TRAPPC9: variants seen among roughly 807,000 people sequenced by gnomAD.
TRAPPC9 encodes IKK2 binding protein.
In TRAPPC9, 83 loss-of-function variants were observed where a neutral mutation model predicts 124.0. That is an observed-to-expected ratio of 0.67 (90% CI 0.56 to 0.80). The LOEUF (loss-of-function observed/expected upper bound fraction) is 0.80. Ranked by LOEUF, TRAPPC9 falls within the 30% of genes least tolerant of loss-of-function variation. TRAPPC9 has a pLI of 0.00. For synonymous variants in TRAPPC9, 638 were observed against 617.5 expected (o/e 1.03, Z -0.49); for missense variants, 1,302 against 1,508.3 (o/e 0.86, Z 2.27).
intron 21 of TRAPPC9, among the ~76,000 whole-genome samples, chr8:139,864,316 A>G (rs1017926814): frequency 6.6e-6 from 1 of 152,198 alleles, no homozygotes; most frequent in Non-Finnish European, 1.5e-5. Flanking sequence ...AGGGTTTGGA[A>G]AGGCTGCAAA....
At chr8:140,444,035 C>CA (rs35121401) in intron 2 of TRAPPC9, among the ~76,000 whole-genome samples, 620 of 40,834 alleles carry the variant, frequency 0.015, 21 homozygotes, top group African/African-American at 0.038. Context: ...GACTCCATCT[C>CA]AAAAAAAAAA....
intron 16 of TRAPPC9, 60 bp from the exon 17 acceptor site, chr8:140,221,643 T>A: frequency 6.4e-7 from 1 of 1,560,390 alleles, no homozygotes; most frequent in South Asian, 1.2e-5. Flanking sequence ...GGTTTGTTGT[T>A]GTTGTTGTTG....
intron 17 of TRAPPC9, among the ~76,000 whole-genome samples, chr8:140,193,588 T>C (rs79345806): frequency 2.8e-3 from 387 of 138,670 alleles, no homozygotes; most frequent in African/African-American, 0.01. Flanking sequence ...TCCCACAAAG[T>C]TCCATAAGGG....
chr8:140,155,808 G>A (rs969032612), intron 17 of TRAPPC9, among the ~76,000 whole-genome samples: 1 of 152,146 alleles, frequency 6.6e-6, no homozygotes, highest in South Asian at 2.1e-4. Flanking sequence ...CATGGGAAAG[G>A]GGTTATGTTC....
At chr8:140,127,760 T>C (rs1242576509) in intron 17 of TRAPPC9, among the ~76,000 whole-genome samples, 1 of 152,244 alleles carries the variant, frequency 6.6e-6, no homozygotes, top group South Asian at 2.1e-4. Context: ...TCCAAAAGCA[T>C]TGCTCCTATA....
chr8:140,179,992 G>GTTTTTTTT (rs2062159657), intron 17 of TRAPPC9, among the ~76,000 whole-genome samples: 2 of 49,118 alleles, frequency 4.1e-5, no homozygotes, highest in Non-Finnish European at 8.5e-5. Context: ...GTTATATCTT[G>GTTTTTTTT]ATTTTTTTTT....
In TRAPPC9 at chr8:139,961,987, C is replaced by CCT. The variant is rs2131564212; in HGVS notation, c.2810+26737_2810+26738dup. Among the ~76,000 whole-genome samples, 6 of 123,414 alleles carry CCT rather than the reference C, an allele frequency of 4.9e-5. 3 individuals carry two copies. The South Asian group carries it at 1.7e-3, about 34-fold the overall frequency. 81.0% of individuals were successfully genotyped at this position (123,414 alleles called of 152,430 possible). A position where few individuals can be genotyped will look rare whatever the true frequency, so the allele number is the denominator to read the frequency against. ...GGACAACCAGCTGCAGAGAGGAGCTCCTCTCTCTGCTGAGAACTGCAGACA... is the reference window on the plus strand; with the variant it reads ...GGACAACCAGCTGCAGAGAGGAGCTCCTCTCTCTCTGCTGAGAACTGCAGACA... On this transcript the variant is annotated intron_variant, in intron 19 of 22. Coordinates refer to ENST00000438773, the MANE Select transcript of TRAPPC9 (RefSeq NM_001160372.4).
chr8:139,891,363 C>G (rs1039316561), intron 20 of TRAPPC9, among the ~76,000 whole-genome samples: 2 of 152,258 alleles, frequency 1.3e-5, no homozygotes, highest in Non-Finnish European at 2.9e-5. Context: ...CCAGGGACAC[C>G]TGTCCAGTGG....
intron 17 of TRAPPC9, among the ~76,000 whole-genome samples, chr8:140,122,831 G>A (rs999401580): frequency 6.6e-6 from 1 of 152,164 alleles, no homozygotes; most frequent in African/African-American, 2.4e-5. Context: ...CTCGAGAAGG[G>A]GCACCTGAGC....
chr8:140,311,113 A>G (rs2131881351), intron 10 of TRAPPC9, 135 bp downstream of exon 10: 1 of 1,053,386 alleles, frequency 9.5e-7, no homozygotes, highest in Non-Finnish European at 1.4e-6. Context: ...GCTGCTTTCA[A>G]GTTTAATGAG....
At chr8:139,773,734 CTG>C (rs1821148547) in intron 21 of TRAPPC9, among the ~76,000 whole-genome samples, 1 of 152,248 alleles carries the variant, frequency 6.6e-6, no homozygotes, top group African/African-American at 2.4e-5. Context: ...CTGTAGTCCT[CTG>C]TGTGTGCGGA....
chr8:139,785,468 C>A (rs567105677), intron 21 of TRAPPC9, among the ~76,000 whole-genome samples: 1 of 151,434 alleles, frequency 6.6e-6, no homozygotes, highest in African/African-American at 2.4e-5. Context: ...GTGGCTGAAG[C>A]GAGTGGATCG....
At chr8:139,926,612 A>AAT (rs1554674034) in intron 19 of TRAPPC9, among the ~76,000 whole-genome samples, 4 of 151,248 alleles carry the variant, frequency 2.6e-5, no homozygotes, top group Non-Finnish European at 5.9e-5. Flanking sequence ...TAAAATAAAA[A>AAT]AAAAAAAAAA....
chr8:139,737,373 C>A (rs1818246837), intron 21 of TRAPPC9, among the ~76,000 whole-genome samples: 1 of 147,956 alleles, frequency 6.8e-6, no homozygotes, highest in Admixed American at 7.0e-5. Flanking sequence ...AGGAGGTGGG[C>A]AGGGATGCCA....
At chr8:140,207,068 G>A (rs779067087) in intron 17 of TRAPPC9, among the ~76,000 whole-genome samples, 14 of 152,222 alleles carry the variant, frequency 9.2e-5, no homozygotes, top group Non-Finnish European at 1.5e-4. Flanking sequence ...GGAGAAGGCA[G>A]GCAGGAGCCG....
At chr8:140,432,426 G>A (rs915996695) in intron 4 of TRAPPC9, among the ~76,000 whole-genome samples, 21 of 152,266 alleles carry the variant, frequency 1.4e-4, no homozygotes, top group African/African-American at 4.6e-4. Context: ...AAGAAAACTC[G>A]AGCATCTGGC....
chr8:140,061,707 A>G lies in TRAPPC9; in HGVS notation c.2557-37628T>C, dbSNP rs1487398396. Among the ~76,000 whole-genome samples, 7 of 152,238 alleles carry G rather than the reference A, an allele frequency of 4.6e-5. No individual in the cohort carries two copies. In the East Asian group the frequency reaches 1.3e-3, roughly 29 times the overall value. On this transcript the variant is annotated intron_variant, in intron 17 of 22. Coordinates refer to ENST00000438773, the MANE Select transcript of TRAPPC9 (RefSeq NM_001160372.4). ...GCTCTAATCACAAAGCAACAAAAAT[A>G]TAAAACTGAACAGGCCAGAAGCCTG...
At chr8:140,062,338 TA>T (rs1220764048) in intron 17 of TRAPPC9, among the ~76,000 whole-genome samples, 1 of 152,206 alleles carries the variant, frequency 6.6e-6, no homozygotes, top group Non-Finnish European at 1.5e-5. Context: ...AGACACGGAA[TA>T]AACCCACGCT....
At chr8:140,142,964 C>T (rs1424087819) in intron 17 of TRAPPC9, among the ~76,000 whole-genome samples, 2 of 152,090 alleles carry the variant, frequency 1.3e-5, no homozygotes, top group Non-Finnish European at 2.9e-5. Context: ...ACATTAAAAC[C>T]CTCTGGAAAG....
Sources: gnomAD v4.1 joint callset for allele counts (sites outside exome capture counted in the v4.1 genomes callset) on GRCh38, gnomAD v4.1.1 for gene constraint, MANE v1.5 for transcripts, NCBI Gene and HGNC (gene_info 2026-07-23, HGNC 2026-07-21) for gene names.